TRDN: variants seen among roughly 807,000 people sequenced by gnomAD.
The protein encoded by TRDN is triadin, also known as triadin in skeletal muscle.
A neutral mutation model predicts 149.7 loss-of-function variants in TRDN; 161 were observed. The observed-to-expected ratio is 1.08, with a 90% confidence interval of 0.95 to 1.23. The LOEUF (loss-of-function observed/expected upper bound fraction) is 1.23. TRDN is among the 50% of genes most tolerant of loss of function. TRDN has a pLI of 0.00. For synonymous variants in TRDN, 294 were observed against 250.5 expected, an observed-to-expected ratio of 1.17 and a Z score of -1.64; for missense variants, 896 against 823.5, an observed-to-expected ratio of 1.09 and a Z score of -1.08.
chr6:123,331,773 A>C, intron 23 of TRDN, 106 bp downstream of exon 23: 2 of 664,902 alleles, frequency 3.0e-6, no homozygotes, highest in Non-Finnish European at 4.7e-6. Flanking sequence ...TATGAAGGCT[A>C]TGGTTTTGAG....
At chr6:123,370,584 T>C (rs1216027324) in intron 19 of TRDN, among the ~76,000 whole-genome samples, 4 of 152,272 alleles carry the variant, frequency 2.6e-5, no homozygotes, top group African/African-American at 9.6e-5. Flanking sequence ...ACATGTGCAA[T>C]AATTTTCATA....
rs140444394 is a variant in TRDN at position 123,487,769 on chromosome 6, C to A, written c.853+9424G>T. Among the ~76,000 whole-genome samples, 28 of 152,130 alleles carry A rather than the reference C, an allele frequency of 1.8e-4. No individual in the cohort carries two copies. The East Asian group carries it at 5.2e-3, about 28-fold the overall frequency. On this transcript the variant is annotated intron_variant, in intron 9 of 40. Transcript: ENST00000334268. ...TCAATTTCACATGCACTATAATGTTCGCATTCATTTTCTCCTTCATTCACA... is the reference window on the plus strand; with the variant it reads ...TCAATTTCACATGCACTATAATGTTAGCATTCATTTTCTCCTTCATTCACA...
At chr6:123,426,007 G>A (rs1774105160) in intron 12 of TRDN, among the ~76,000 whole-genome samples, 1 of 152,086 alleles carries the variant, frequency 6.6e-6, no homozygotes, top group Admixed American at 6.6e-5. Flanking sequence ...ATTTGCAGAG[G>A]AGAGAATTGC....
intron 38 of TRDN, among the ~76,000 whole-genome samples, chr6:123,247,917 C>T (rs1776243348): frequency 6.6e-6 from 1 of 152,006 alleles, no homozygotes; most frequent in Non-Finnish European, 1.5e-5. Flanking sequence ...ACCAATGGGA[C>T]AGAACAAAGG....
intron 1 of TRDN, among the ~76,000 whole-genome samples, chr6:123,618,205 A>G (rs967962875): frequency 6.6e-6 from 1 of 152,176 alleles, no homozygotes; most frequent in Non-Finnish European, 1.5e-5. Flanking sequence ...TTATCTTACA[A>G]TTCTGTACTT....
intron 1 of TRDN, among the ~76,000 whole-genome samples, chr6:123,631,143 A>T (rs1189157590): frequency 1.3e-5 from 2 of 151,116 alleles, no homozygotes; most frequent in African/African-American, 4.9e-5. Flanking sequence ...ATTTTCCTAA[A>T]GTGAACTTGA....
chr6:123,325,826 C>G (rs1348155287), intron 23 of TRDN, among the ~76,000 whole-genome samples: 1 of 152,090 alleles, frequency 6.6e-6, no homozygotes, highest in Non-Finnish European at 1.5e-5. Flanking sequence ...CTGAGACCAA[C>G]TGTCTTGATT....
chr6:123,526,927 C>T (rs1419485220), intron 5 of TRDN, among the ~76,000 whole-genome samples: 1 of 151,966 alleles, frequency 6.6e-6, no homozygotes, highest in Non-Finnish European at 1.5e-5. Context: ...CTGATAGTTA[C>T]TGTTTAAAAT....
At chr6:123,453,915 A>G (rs7739380) in intron 10 of TRDN, among the ~76,000 whole-genome samples, 16 of 127,398 alleles carry the variant, frequency 1.3e-4, no homozygotes, top group African/African-American at 2.4e-4. Flanking sequence ...GTGTGTGTGT[A>G]TGTATATATA....
At chr6:123,545,316 C>A (rs1781058542) in intron 4 of TRDN, among the ~76,000 whole-genome samples, 1 of 151,454 alleles carries the variant, frequency 6.6e-6, no homozygotes, top group Non-Finnish European at 1.5e-5. Flanking sequence ...AATTTCTCCC[C>A]AATAATAATG....
At chr6:123,340,094 T>C (rs1562268926) in intron 21 of TRDN, among the ~76,000 whole-genome samples, 1 of 152,160 alleles carries the variant, frequency 6.6e-6, no homozygotes, top group Admixed American at 6.6e-5. Context: ...TTACTTTTAA[T>C]TGTATTGTAG....
chr6:123,288,178 T>A (rs555119119), intron 24 of TRDN, among the ~76,000 whole-genome samples: 5 of 152,178 alleles, frequency 3.3e-5, no homozygotes, highest in African/African-American at 1.2e-4. Flanking sequence ...CCAGGAAAAC[T>A]GGATATTCAC....
At position 123,502,607 on chromosome 6, in the gene TRDN, C is replaced by T. The variant is rs911778333; in HGVS notation, c.793+1112G>A. On this transcript the variant is annotated intron_variant, in intron 8 of 40. Coordinates refer to ENST00000334268, the MANE Select transcript of TRDN (RefSeq NM_006073.4). ...AGAGAAAAAAGATGAAAATACAGTA[C>T]GAGTGCATTGCAAATTTCATTTCTT... is the stretch of plus-strand genomic sequence containing the variant. 1.3e-5 allele frequency: 13 copies of T among 984,626 alleles called. 1 individual carries two copies. In the South Asian group the frequency reaches 1.4e-4, roughly 11 times the overall value. The allele number at this position is 984,626 out of a possible 1,614,324, so 61.0% of individuals were successfully genotyped here.
chr6:123,495,019 CCACCTGG>C (rs1163427749), intron 9 of TRDN, among the ~76,000 whole-genome samples: 1 of 151,908 alleles, frequency 6.6e-6, no homozygotes, highest in African/African-American at 2.4e-5. Flanking sequence ...TAGGCATGAC[CCACCTGG>C]CCCGGCCAGA....
At chr6:123,284,004 G>GTATATATATATATATATATATA (rs1562244964) in intron 24 of TRDN, among the ~76,000 whole-genome samples, 1 of 58,836 alleles carries the variant, frequency 1.7e-5, no homozygotes, top group Non-Finnish European at 2.8e-5. Context: ...ATATATATAT[G>GTATATATATATATATATATATA]TAACAAACCT....
intron 1 of TRDN, among the ~76,000 whole-genome samples, chr6:123,604,930 C>T (rs1784456126): frequency 6.6e-6 from 1 of 151,914 alleles, no homozygotes; most frequent in Non-Finnish European, 1.5e-5. Flanking sequence ...AGATTAGTAC[C>T]TAGATGGGAA....
chr6:123,224,685 T>A lies in TRDN; in HGVS notation c.1976-554A>T, dbSNP rs189557680. ...AAGATAGTCTCTTCAATATATACTG[T>A]TGGGAAAACTGGATATCTATATGCA... On this transcript the variant is annotated intron_variant, in intron 38 of 40. Coordinates refer to ENST00000334268, the MANE Select transcript of TRDN (RefSeq NM_006073.4). Among the ~76,000 whole-genome samples the A allele has an allele frequency of 2.8e-4, 43 of 151,810 alleles. 1 individual carries two copies. Among genetic ancestry groups the A allele is most frequent in the African/African-American group, 9.9e-4 (41 of 41,470 alleles).
intron 5 of TRDN, among the ~76,000 whole-genome samples, chr6:123,522,001 G>C (rs1450987436): frequency 6.6e-6 from 1 of 152,158 alleles, no homozygotes. Context: ...AAGTGAATGT[G>C]TATTATCACC....
At chr6:123,553,653 C>T (rs1312977613) in intron 2 of TRDN, among the ~76,000 whole-genome samples, 1 of 152,124 alleles carries the variant, frequency 6.6e-6, no homozygotes, top group Non-Finnish European at 1.5e-5. Flanking sequence ...CTGAAGAAGC[C>T]TCACAATCAT....
Sources: allele counts gnomAD v4.1 joint callset (sites outside exome capture counted in the v4.1 genomes callset), GRCh38; gene constraint gnomAD v4.1.1; transcripts MANE v1.5; gene names NCBI Gene and HGNC (gene_info 2026-07-23, HGNC 2026-07-21).